MACROD2: variants seen among roughly 807,000 people sequenced by gnomAD.
The protein encoded by MACROD2 is ADP-ribose glycohydrolase MACROD2.
MACROD2 carries 36 observed loss-of-function variants against 70.4 expected under a neutral mutation model. The observed-to-expected ratio is 0.51, with a 90% confidence interval of 0.39 to 0.68. The LOEUF is 0.68. Among genes scored for constraint, MACROD2 ranks in the 30% least tolerant of loss-of-function variants. The pLI is 0.00. For synonymous variants in MACROD2, 172 were observed against 178.8 expected (o/e 0.96, Z 0.30); for missense variants, 496 against 538.4 (o/e 0.92, Z 0.78).
intron 3 of MACROD2, among the ~76,000 whole-genome samples, chr20:14,120,874 C>T (rs1030764910): frequency 2.0e-5 from 3 of 150,080 alleles, no homozygotes; most frequent in Non-Finnish European, 3.0e-5. Flanking sequence ...ACATGGCCAC[C>T]GAGAGGGGAA....
At chr20:15,689,443 G>T (rs547762354) in intron 8 of MACROD2, among the ~76,000 whole-genome samples, 35 of 152,238 alleles carry the variant, frequency 2.3e-4, no homozygotes, top group African/African-American at 8.2e-4. Context: ...AAACAGCATT[G>T]TGATTGTAAT....
chr20:15,592,938 A>G (rs1230300835), intron 8 of MACROD2, among the ~76,000 whole-genome samples: 2 of 152,154 alleles, frequency 1.3e-5, no homozygotes, highest in African/African-American at 2.4e-5. Context: ...GTGCACTTCA[A>G]TCTCGGTAGT....
At chr20:15,398,491 T>C (rs935437763) in intron 6 of MACROD2, among the ~76,000 whole-genome samples, 9 of 152,100 alleles carry the variant, frequency 5.9e-5, no homozygotes, top group African/African-American at 2.2e-4. Flanking sequence ...GTGTTAGTGG[T>C]AGTGGTGGTG....
At chr20:14,330,859 T>C (rs895744053) in intron 3 of MACROD2, among the ~76,000 whole-genome samples, 1 of 152,086 alleles carries the variant, frequency 6.6e-6, no homozygotes, top group African/African-American at 2.4e-5. Context: ...AAAACCAAGC[T>C]GCTGAAATTA....
intron 3 of MACROD2, among the ~76,000 whole-genome samples, chr20:14,141,694 G>A (rs957612972): frequency 3.5e-5 from 5 of 142,914 alleles, no homozygotes; most frequent in Non-Finnish European, 6.0e-5. Flanking sequence ...GCAGGGAGCC[G>A]AGACTGAGCC....
intron 3 of MACROD2, among the ~76,000 whole-genome samples, chr20:14,391,627 TA>T (rs879722255): frequency 1.3e-5 from 2 of 151,432 alleles, no homozygotes; most frequent in Non-Finnish European, 2.9e-5. Context: ...AAATAAAAAT[TA>T]AAAAAATTTA....
At chr20:15,560,425 G>A (rs2048225867) in intron 8 of MACROD2, among the ~76,000 whole-genome samples, 1 of 152,134 alleles carries the variant, frequency 6.6e-6, no homozygotes, top group Admixed American at 6.5e-5. Flanking sequence ...AGTGCTAGAT[G>A]CTGGGGGGAT....
At chr20:15,060,094 G>A (rs2123076481) in intron 5 of MACROD2, among the ~76,000 whole-genome samples, 1 of 152,304 alleles carries the variant, frequency 6.6e-6, no homozygotes, top group Non-Finnish European at 1.5e-5. Context: ...CCATTTGATA[G>A]CATTCGTGTT....
chr20:14,641,304 C>G (rs2123491382), intron 4 of MACROD2, among the ~76,000 whole-genome samples: 4 of 152,348 alleles, frequency 2.6e-5, no homozygotes. Context: ...GCTGTTTCCA[C>G]CACATCTGCA....
At chr20:14,233,414 C>T (rs6033906) in intron 3 of MACROD2, among the ~76,000 whole-genome samples, 88,288 of 151,916 alleles carry the variant, frequency 0.58, 27,941 homozygotes, top group Non-Finnish European at 0.72. Flanking sequence ...ATGAGCTGGC[C>T]GGGCGCGGTG....
rs543417740 is a variant in MACROD2, at chr20:15,935,297, A to C, written c.838+1959A>C. ...AAGAAGGGTCCTAAATGCATCCCTG[A>C]GTGACTCCCCTTACTTTTCCAAGTG... On this transcript the variant is annotated intron_variant, in intron 11 of 17. Transcript: ENST00000684519. 2.0e-5 allele frequency among the ~76,000 whole-genome samples: 3 copies of C among 152,220 alleles called. No homozygotes were observed. In the East Asian group the frequency reaches 5.8e-4, roughly 30 times the overall value.
At chr20:15,983,309 T>G (rs976411302) in intron 13 of MACROD2, among the ~76,000 whole-genome samples, 1 of 152,148 alleles carries the variant, frequency 6.6e-6, no homozygotes, top group Non-Finnish European at 1.5e-5. Context: ...TATTTTTTGT[T>G]TTTCCTCTGG....
intron 5 of MACROD2, among the ~76,000 whole-genome samples, chr20:14,762,973 AGG>A (rs1244461800): frequency 1.3e-5 from 2 of 152,044 alleles, no homozygotes; most frequent in Non-Finnish European, 2.9e-5. Context: ...AATGACAGAC[AGG>A]TAAGCTAAGC....
intron 4 of MACROD2, among the ~76,000 whole-genome samples, chr20:14,502,040 C>T (rs374282364): frequency 3.3e-5 from 5 of 152,188 alleles, no homozygotes; most frequent in Middle Eastern, 3.4e-3. Context: ...ATTGAGTTCC[C>T]GATTTAAATA....
chr20:15,344,131 C>T (rs1213814896), intron 6 of MACROD2, among the ~76,000 whole-genome samples: 1 of 152,118 alleles, frequency 6.6e-6, no homozygotes, highest in Non-Finnish European at 1.5e-5. Context: ...TTTTACATTC[C>T]AGATGCAGAT....
chr20:14,432,451 G>A (rs1464655301), intron 3 of MACROD2, among the ~76,000 whole-genome samples: 1 of 150,848 alleles, frequency 6.6e-6, no homozygotes, highest in Non-Finnish European at 1.5e-5. Flanking sequence ...AATGCCTAAA[G>A]TAGTATCTGT....
intron 5 of MACROD2, among the ~76,000 whole-genome samples, chr20:14,698,888 C>G (rs1156288644): frequency 4.0e-5 from 6 of 151,590 alleles, no homozygotes; most frequent in African/African-American, 1.2e-4. Context: ...GTTTCATGCT[C>G]TGTTCATTTG....
At chr20:14,742,873 T>C (rs997579690) in intron 5 of MACROD2, among the ~76,000 whole-genome samples, 2 of 151,500 alleles carry the variant, frequency 1.3e-5, no homozygotes, top group Non-Finnish European at 2.9e-5. Context: ...TTCACGCCAT[T>C]CTCCTGCCTC....
At chr20:15,003,707 C>G (rs1245443191) in intron 5 of MACROD2, among the ~76,000 whole-genome samples, 1 of 152,132 alleles carries the variant, frequency 6.6e-6, no homozygotes. Context: ...CCCCCAAACT[C>G]AAACACTTTT....
Sources: allele counts gnomAD v4.1 joint callset (sites outside exome capture counted in the v4.1 genomes callset), GRCh38; gene constraint gnomAD v4.1.1; transcripts MANE v1.5; gene names NCBI Gene and HGNC (gene_info 2026-07-23, HGNC 2026-07-21).